ARHGAP24: variants seen among roughly 807,000 people sequenced by gnomAD.
ARHGAP24 encodes Rho GTPase activating protein 24.
Under a neutral mutation model 76.4 loss-of-function variants are expected in ARHGAP24, and 50 were observed. The observed-to-expected ratio is 0.65, with a 90% CI of 0.52 to 0.83. ARHGAP24 has a LOEUF of 0.83. ARHGAP24 is among the 40% of genes least tolerant of loss of function. ARHGAP24 has a pLI of 0.00. For missense variants in ARHGAP24, 930 were observed against 914.2 expected (o/e 1.02, Z -0.22); for synonymous variants, 345 against 323.3 (o/e 1.07, Z -0.72).
At chr4:85,975,451 A>T (rs1422123367) in intron 7 of ARHGAP24, 1 of 153,090 alleles carries the variant, frequency 6.5e-6, no homozygotes, top group Non-Finnish European at 1.5e-5. Context: ...TATAGTAAGC[A>T]TTCAATAAAT....
At chr4:85,668,389 G>C (rs759385539) in intron 2 of ARHGAP24, among the ~76,000 whole-genome samples, 13 of 152,084 alleles carry the variant, frequency 8.5e-5, no homozygotes, top group Non-Finnish European at 1.3e-4. Flanking sequence ...GCTAGCCACA[G>C]GGGCTACTAG....
rs376118883 is a variant in ARHGAP24, at chr4:86,000,579, C to T, written c.2104C>T (p.Arg702Ter). 3.7e-6 allele frequency: 6 copies of T among 1,611,722 alleles called. No homozygotes were observed. The highest frequency in any genetic ancestry group is 4.2e-6 in the Non-Finnish European group (5 of 1,179,114). Residue 702 changes from arginine to a stop codon, truncating the protein, a stop_gained, in exon 10 of 10, where the codon CGA (arginine) becomes TGA (stop). Transcript: ENST00000395184. LOFTEE classifies it high-confidence loss of function. ...GTTCACAATGATAGAAATAAAAATG[C>T]GAAATGCCGAGCGAGCAAAAGAAGA... ...KKFTMIEIKMRNAERAKEDAE... is the reference protein window; with the variant it reads ...KKFTMIEIKM
At chr4:85,555,449 G>A (rs1210757000) in intron 1 of ARHGAP24, among the ~76,000 whole-genome samples, 1 of 152,256 alleles carries the variant, frequency 6.6e-6, no homozygotes, top group Admixed American at 6.5e-5. Context: ...AGTTTGGGTT[G>A]TGATCAAGTA....
chr4:85,755,088 G>T (rs182860454), intron 3 of ARHGAP24, among the ~76,000 whole-genome samples: 7 of 152,164 alleles, frequency 4.6e-5, no homozygotes, highest in African/African-American at 1.7e-4. Context: ...ATTAGGCCCT[G>T]AAAGAAATAA....
chr4:85,600,559 G>A (rs1388392633), intron 2 of ARHGAP24, among the ~76,000 whole-genome samples: 1 of 152,136 alleles, frequency 6.6e-6, no homozygotes, highest in Non-Finnish European at 1.5e-5. Flanking sequence ...ATGGAATAAA[G>A]TGTGTATTAA....
chr4:85,808,516 C>T lies in ARHGAP24; in HGVS notation c.268+86544C>T, dbSNP rs147373292. ...AATTATGCTATCAGTTGCCGGTGTT[C>T]CTTAGCCTGTCCCAGGGAGGGGTGG... On this transcript the variant is annotated intron_variant, in intron 3 of 9. Coordinates refer to ENST00000395184, the MANE Select transcript of ARHGAP24 (RefSeq NM_001025616.3). Among the ~76,000 whole-genome samples the T allele has an allele frequency of 5.1e-3, 781 of 152,280 alleles. 7 individuals carry two copies. The highest frequency in any genetic ancestry group is 7.7e-3 in the Non-Finnish European group (521 of 68,034).
intron 2 of ARHGAP24, among the ~76,000 whole-genome samples, chr4:85,598,458 C>A (rs1312693786): frequency 6.6e-6 from 1 of 152,056 alleles, no homozygotes; most frequent in East Asian, 1.9e-4. Context: ...TCCCAAATCA[C>A]AATAATGATG....
At chr4:85,687,712 A>G (rs1247016517) in intron 2 of ARHGAP24, among the ~76,000 whole-genome samples, 1 of 152,130 alleles carries the variant, frequency 6.6e-6, no homozygotes, top group Non-Finnish European at 1.5e-5. Context: ...ACAGTGATGA[A>G]CATGCAATTG....
Position 85,829,206 on chromosome 4 carries a change from A to C in ARHGAP24, c.269-94442A>C, listed in dbSNP as rs1299842133. On this transcript the variant is annotated intron_variant, in intron 3 of 9. Transcript: ENST00000395184. ...TAATAAAATGAGAAGGAAAAAAGGAAATTTAAATTTTTTATTTAAAATTGA... is the reference window on the plus strand; with the variant it reads ...TAATAAAATGAGAAGGAAAAAAGGACATTTAAATTTTTTATTTAAAATTGA... Among the ~76,000 whole-genome samples, 2 of 152,198 alleles carry C rather than the reference A, an allele frequency of 1.3e-5. 1 individual carries two copies. Among genetic ancestry groups the C allele is most frequent in the African/African-American group, 4.8e-5 (2 of 41,464 alleles).
intron 2 of ARHGAP24, among the ~76,000 whole-genome samples, chr4:85,583,126 G>C (rs1416116359): frequency 6.6e-6 from 1 of 152,044 alleles, no homozygotes; most frequent in African/African-American, 2.4e-5. Flanking sequence ...ATATTACTGA[G>C]CTCAGAAATT....
At chr4:85,712,383 C>G (rs1006274882) in intron 2 of ARHGAP24, among the ~76,000 whole-genome samples, 1 of 152,156 alleles carries the variant, frequency 6.6e-6, no homozygotes, top group Non-Finnish European at 1.5e-5. Flanking sequence ...CATTTTAAAA[C>G]CCCAGCTGTT....
At chr4:85,917,912 A>G (rs1735513721) in intron 3 of ARHGAP24, among the ~76,000 whole-genome samples, 1 of 152,180 alleles carries the variant, frequency 6.6e-6, no homozygotes, top group Non-Finnish European at 1.5e-5. Context: ...GCACATAGGA[A>G]CAACCTTTAA....
At chr4:85,487,724 TTATATTA>T (rs1263082477) in intron 1 of ARHGAP24, among the ~76,000 whole-genome samples, 2 of 98,718 alleles carry the variant, frequency 2.0e-5, no homozygotes, top group Non-Finnish European at 3.4e-5. Context: ...AAATATATAT[TTATATTA>T]TATATTATAT....
At position 85,672,274 on chromosome 4, in the gene ARHGAP24, C is replaced by A. The variant is rs534182267; in HGVS notation, c.181-49611C>A. Among the ~76,000 whole-genome samples, 199 of 152,240 alleles carry A rather than the reference C, an allele frequency of 1.3e-3. 5 individuals are homozygous for A. The highest frequency in any genetic ancestry group is 1.2e-3 in the Admixed American group (18 of 15,286). ...AAGCCATGTTGTGGCCAGATGAGGCCCTTTCAATTTCCGGCTATAAACCTC... is the reference window on the plus strand; with the variant it reads ...AAGCCATGTTGTGGCCAGATGAGGCACTTTCAATTTCCGGCTATAAACCTC... On this transcript the variant is annotated intron_variant, in intron 2 of 9. Coordinates refer to ENST00000395184, the MANE Select transcript of ARHGAP24 (RefSeq NM_001025616.3).
intron 1 of ARHGAP24, among the ~76,000 whole-genome samples, chr4:85,562,855 A>G (rs942513997): frequency 2.0e-5 from 3 of 152,220 alleles, no homozygotes; most frequent in Non-Finnish European, 2.9e-5. Context: ...GAATGACACT[A>G]AGTTCAATGT....
At chr4:85,926,056 A>AT (rs946793490) in intron 4 of ARHGAP24, among the ~76,000 whole-genome samples, 8 of 151,958 alleles carry the variant, frequency 5.3e-5, no homozygotes, top group Admixed American at 1.3e-4. Flanking sequence ...GAAAAAAAAA[A>AT]AGAATGCCAT....
intron 3 of ARHGAP24, among the ~76,000 whole-genome samples, chr4:85,879,459 T>G (rs904356507): frequency 6.6e-6 from 1 of 152,144 alleles, no homozygotes; most frequent in Non-Finnish European, 1.5e-5. Context: ...ATCTTGTGAA[T>G]CTGAATCATG....
At chr4:85,476,051 ATATT>A (rs1722585553) in intron 1 of ARHGAP24, among the ~76,000 whole-genome samples, 5 of 148,238 alleles carry the variant, frequency 3.4e-5, no homozygotes, top group South Asian at 2.1e-4. Context: ...ATGTTTTAAA[ATATT>A]TATAAATATA....
chr4:85,781,807 A>T (rs937584133), intron 3 of ARHGAP24, among the ~76,000 whole-genome samples: 2 of 151,970 alleles, frequency 1.3e-5, no homozygotes, highest in Non-Finnish European at 2.9e-5. Context: ...GCCAAGGCGG[A>T]CGAATCACTT....
Sources: gnomAD v4.1 joint callset for allele counts (sites outside exome capture counted in the v4.1 genomes callset) on GRCh38, gnomAD v4.1.1 for gene constraint, MANE v1.5 for transcripts, NCBI Gene and HGNC (gene_info 2026-07-23, HGNC 2026-07-21) for gene names.